The following CARD14 variants were observed in gnomAD, a reference collection of about 807,000 sequenced individuals.
The protein encoded by CARD14 is caspase recruitment domain family member 14.
Under a neutral mutation model 111.5 loss-of-function variants are expected in CARD14, and 107 were observed. The observed-to-expected ratio is 0.96, with a 90% confidence interval of 0.82 to 1.13. CARD14 has a LOEUF of 1.13. Among genes scored for constraint, CARD14 ranks in the 50% most tolerant of loss-of-function variants. The probability of loss-of-function intolerance (pLI) is 0.00; values close to 1 mark genes in which losing one functional copy is unlikely to be tolerated. For missense variants in CARD14, 1,322 were observed against 1,362.3 expected (o/e 0.97, Z 0.47); for synonymous variants, 617 against 579.6 (o/e 1.06, Z -0.93).
At chr17:80,173,322 A>ACGCGCG (rs1299045426) in intron 2 of CARD14, 94 bp downstream of exon 2, 3 of 80,454 alleles carry the variant, frequency 3.7e-5, no homozygotes, top group East Asian at 2.9e-4. Flanking sequence ...ACACACACAC[A>ACGCGCG]CACGCGCGCG....
intron 22 of CARD14, among the ~76,000 whole-genome samples, chr17:80,206,444 G>A (rs114747872): frequency 0.075 from 11,443 of 152,034 alleles, 680 homozygotes; most frequent in African/African-American, 0.16. Flanking sequence ...TGAGACACCC[G>A]TCTCTACAAA....
intron 12 of CARD14, among the ~76,000 whole-genome samples, chr17:80,194,234 G>A (rs2040630853): frequency 6.6e-6 from 1 of 151,830 alleles, no homozygotes; most frequent in Non-Finnish European, 1.5e-5. Context: ...TGCCCATGTC[G>A]CCCACAGCCC....
At chr17:80,194,785 G>A (rs918715403) in intron 12 of CARD14, among the ~76,000 whole-genome samples, 2 of 152,090 alleles carry the variant, frequency 1.3e-5, no homozygotes, top group African/African-American at 4.8e-5. Context: ...TGGGGGAAAC[G>A]GACCCCATGA....
At chr17:80,174,531 C>T (rs941541787) in intron 2 of CARD14, among the ~76,000 whole-genome samples, 3 of 152,148 alleles carry the variant, frequency 2.0e-5, no homozygotes, top group Non-Finnish European at 4.4e-5. Context: ...TTTTAGATAG[C>T]ACAGGGTCAT....
chr17:80,208,049 G>A, intron 23 of CARD14, 89 bp from the exon 24 acceptor site: 3 of 1,007,976 alleles, frequency 3.0e-6, no homozygotes, highest in Non-Finnish European at 2.8e-6. Context: ...GTTTAGGGGT[G>A]TTTGGGTGCA....
At chr17:80,192,755 A>G (rs1001224853) in intron 12 of CARD14, 136 bp downstream of exon 12, 5 of 580,074 alleles carry the variant, frequency 8.6e-6, no homozygotes, top group Non-Finnish European at 1.5e-5. Flanking sequence ...TGAGAGTTTT[A>G]TTTTATTTTA....
intron 2 of CARD14, among the ~76,000 whole-genome samples, chr17:80,174,875 C>T (rs1415169643): frequency 2.0e-5 from 3 of 152,198 alleles, no homozygotes; most frequent in Non-Finnish European, 4.4e-5. Context: ...CCTCTCTTCC[C>T]GCAGTCTGTC....
Position 80,189,354 on chromosome 17 carries a change from G to A in CARD14, c.844-399G>A, listed in dbSNP as rs1245211424. ...CTTCCATAAGCATTCACTGGGCCCA[G>A]GGCACTGGCCATCTTGCAGCCCGGA... is the stretch of plus-strand genomic sequence containing the variant. On this transcript the variant is annotated intron_variant, in intron 8 of 23. Transcript: ENST00000648509. This position sits in a 1 kb window ranked among gnomAD's most constrained non-coding sequence, Gnocchi z 4.7. Among the ~76,000 whole-genome samples, 1 of 152,166 alleles carries A rather than the reference G, an allele frequency of 6.6e-6. No homozygotes were observed. The highest frequency in any genetic ancestry group is 1.5e-5 in the Non-Finnish European group (1 of 68,030).
At chr17:80,178,762 T>G (rs1388661092) in intron 3 of CARD14, 107 bp downstream of exon 3, 3 of 152,398 alleles carry the variant, frequency 2.0e-5, no homozygotes, top group Non-Finnish European at 4.4e-5. Flanking sequence ...CTTTTAATTT[T>G]TGAGATGGAG....
At chr17:80,187,211 C>G (rs371002081) in intron 7 of CARD14, among the ~76,000 whole-genome samples, 1 of 152,340 alleles carries the variant, frequency 6.6e-6, no homozygotes, top group Middle Eastern at 3.4e-3. Context: ...CTCAGTCCTG[C>G]AGCACATCTC....
Position 80,189,802 on chromosome 17 carries a change from G to A in CARD14, c.893G>A (p.Arg298Gln), listed in dbSNP as rs565172081. The A allele has an allele frequency of 1.4e-4, 227 of 1,584,230 alleles. No homozygotes were observed. The highest frequency in any genetic ancestry group is 1.9e-4 in the Non-Finnish European group (220 of 1,170,114). ...AGCCTGGACGAGGCGCGGGGGAGCC[G>A]ACAGGAGCTGGTGGAGCGCATCCAC... ...EQSLDEARGS[R>Q]QELVERIHSL... The change falls in exon 9 of 24, where the codon CGA (arginine) becomes CAA (glutamine). Residue 298 changes from arginine to glutamine, a missense_variant. Coordinates refer to ENST00000648509, the MANE Select transcript of CARD14 (RefSeq NM_001366385.1). This position sits in a 1 kb window ranked among gnomAD's most constrained non-coding sequence, Gnocchi z 4.7.
At chr17:80,172,282 C>T (rs537136521) in intron 1 of CARD14, among the ~76,000 whole-genome samples, 4 of 152,320 alleles carry the variant, frequency 2.6e-5, no homozygotes, top group East Asian at 3.9e-4. Flanking sequence ...AGGCTCAGGC[C>T]GAATGCCTAT....
At position 80,201,666 on chromosome 17, in the gene CARD14, T is replaced by C. The variant is rs1598692362; in HGVS notation, c.1852-78T>C. On this transcript the variant is annotated intron_variant, in intron 16 of 23. Transcript: ENST00000648509. This position sits in a 1 kb window ranked among gnomAD's most constrained non-coding sequence, Gnocchi z 5.0. The stretch of plus-strand genomic sequence containing the variant: ...AGGGCTGGCCCGCGCCTCGCCTCAG[T>C]GCCCTCAGCGCCTTCTGTCTTCTGG... 2 of 1,531,062 alleles carry C rather than the reference T, an allele frequency of 1.3e-6. No individual in the cohort carries two copies. The highest frequency in any genetic ancestry group is 1.8e-6 in the Non-Finnish European group (2 of 1,107,188). The allele number at this position is 1,531,062 out of a possible 1,614,324, so 94.8% of individuals were successfully genotyped here.
chr17:80,175,350 T>C (rs2040000472), intron 2 of CARD14, among the ~76,000 whole-genome samples: 1 of 152,200 alleles, frequency 6.6e-6, no homozygotes, highest in Non-Finnish European at 1.5e-5. Context: ...TATTCACTTA[T>C]TTATTTTTTT....
chr17:80,195,586 C>G lies in CARD14; in HGVS notation c.1528C>G (p.Pro510Ala), dbSNP rs1194480527. The G allele has an allele frequency of 1.9e-6, 3 of 1,612,666 alleles. No homozygotes were observed. In the African/African-American group the frequency reaches 4.0e-5, roughly 22 times the overall value. Reference protein sequence around the residue: ...SSCLEIPEGDPGALPGAKAGD... With the variant: ...SSCLEIPEGDAGALPGAKAGD... ...CTGCCTGGAGATCCCGGAGGGAGACCCGGGAGCCCTGCCGGGAGCTAAGGC... is the reference window on the plus strand; with the variant it reads ...CTGCCTGGAGATCCCGGAGGGAGACGCGGGAGCCCTGCCGGGAGCTAAGGC... The change falls in exon 14 of 24, where the codon CCG becomes GCG. Residue 510 changes from proline to alanine, a missense_variant. By Grantham distance (27) the Pro-to-Ala change is conservative (BLOSUM62 -1). Coordinates refer to ENST00000648509, the MANE Select transcript of CARD14 (RefSeq NM_001366385.1). The surrounding 1 kb of genome is among the most constrained non-coding windows in gnomAD (Gnocchi z 4.7).
intron 11 of CARD14, 98 bp from the exon 12 acceptor site, chr17:80,192,405 G>A: frequency 6.4e-6 from 5 of 783,164 alleles, no homozygotes; most frequent in South Asian, 1.7e-5. Flanking sequence ...AACTGCTGGG[G>A]AGGGTGAAAT....
At chr17:80,202,490 G>A (rs1319692546) in intron 18 of CARD14, 70 bp downstream of exon 18, 23 of 1,562,798 alleles carry the variant, frequency 1.5e-5, no homozygotes, top group Middle Eastern at 2.1e-4. Context: ...AGCCTGCCTC[G>A]GCTTCCTCCT....
intron 14 of CARD14, chr17:80,197,573 C>A: frequency 6.9e-6 from 1 of 144,996 alleles, no homozygotes; most frequent in Non-Finnish European, 1.5e-5. Flanking sequence ...GAAAGACAGG[C>A]CAGTGCAGTG....
In CARD14 at chr17:80,209,258, G is replaced by C; in HGVS notation, c.*913G>C. 3.2e-6 allele frequency: 3 copies of C among 925,042 alleles called. No individual in the cohort carries two copies. The highest frequency in any genetic ancestry group is 2.4e-4 in the East Asian group (2 of 8,488). The allele number at this position is 925,042 out of a possible 1,614,324, so 57.3% of individuals were successfully genotyped here. On this transcript the variant is annotated 3_prime_UTR_variant, in exon 24 of 24. Coordinates refer to ENST00000648509, the MANE Select transcript of CARD14 (RefSeq NM_001366385.1). ...AATCAGGAAGCTGTTCTAGAATTCA[G>C]GTTGGTATCATCATAAATGAGTTCA...
Sources: allele counts gnomAD v4.1 joint callset (sites outside exome capture counted in the v4.1 genomes callset), GRCh38; gene constraint gnomAD v4.1.1; non-coding constraint Gnocchi (gnomAD v3.1); transcripts MANE v1.5; gene names NCBI Gene and HGNC (gene_info 2026-07-23, HGNC 2026-07-21).